Variants in NLRC4 observed in about 807,000 individuals in gnomAD.
The protein encoded by NLRC4 is NLR family CARD domain containing 4.
NLRC4 carries 63 observed loss-of-function variants against 79.9 expected under a neutral mutation model. The observed-to-expected ratio is 0.79, with a 90% CI of 0.64 to 0.97. NLRC4 has a LOEUF of 0.97. Ranked by LOEUF, NLRC4 falls within the 50% of genes least tolerant of loss-of-function variation. The pLI is 0.00. For missense variants in NLRC4, 1,074 were observed against 1,215.2 expected (o/e 0.88, Z 1.73); for synonymous variants, 461 against 456.5 (o/e 1.01, Z -0.12).
At chr2:32,229,709 G>A (rs941620000) in intron 8 of NLRC4, among the ~76,000 whole-genome samples, 3 of 152,182 alleles carry the variant, frequency 2.0e-5, no homozygotes, top group African/African-American at 7.2e-5. Context: ...AAAGAAGACT[G>A]AGAAGTAGCC....
chr2:32,241,543 A>AT (rs986884604), intron 4 of NLRC4, among the ~76,000 whole-genome samples: 26 of 151,372 alleles, frequency 1.7e-4, no homozygotes, highest in African/African-American at 2.7e-4. Context: ...CGCCCGGCTA[A>AT]TTTTTTTTGT....
chr2:32,233,343 A>AT (rs1180601949), intron 8 of NLRC4, among the ~76,000 whole-genome samples: 8 of 54,814 alleles, frequency 1.5e-4, no homozygotes, highest in Non-Finnish European at 2.4e-4. Flanking sequence ...ATATATATAT[A>AT]TATATATTTT....
At chr2:32,245,733 A>AATAT (rs946645620) in intron 4 of NLRC4, among the ~76,000 whole-genome samples, 16 of 152,326 alleles carry the variant, frequency 1.1e-4, no homozygotes, top group African/African-American at 3.8e-4. Context: ...GTACCCCATA[A>AATAT]ATATATATAC....
At chr2:32,263,782 G>A (rs1219432182) in intron 1 of NLRC4, among the ~76,000 whole-genome samples, 2 of 152,102 alleles carry the variant, frequency 1.3e-5, no homozygotes, top group South Asian at 2.1e-4. Flanking sequence ...CCCAGTCTAT[G>A]GTATTTTAAA....
At chr2:32,247,959 A>G (rs926493930) in intron 4 of NLRC4, among the ~76,000 whole-genome samples, 1 of 152,194 alleles carries the variant, frequency 6.6e-6, no homozygotes, top group Non-Finnish European at 1.5e-5. Context: ...TGGGAGCTAA[A>G]TAATGTGTAC....
Position 32,256,847 on chromosome 2 carries a change from G to A in NLRC4, c.-72C>T, listed in dbSNP as rs1230659993. The A allele has an allele frequency of 1.3e-6, 1 of 772,928 alleles. No homozygotes were observed. The highest frequency in any genetic ancestry group is 2.4e-6 in the Non-Finnish European group (1 of 414,394). 47.9% of individuals were successfully genotyped at this position (772,928 alleles called of 1,614,324 possible). On this transcript the variant is annotated 5_prime_UTR_variant, in exon 2 of 9. Coordinates refer to ENST00000402280, the MANE Select transcript of NLRC4 (RefSeq NM_001199138.2). The stretch of plus-strand genomic sequence containing the variant: ...ATTATTTCCAAATGGAAAGGTCAAA[G>A]GTGATCCCAATATTGTCCTCTTTTT...
At chr2:32,255,975 C>G (rs1449689173) in intron 2 of NLRC4, among the ~76,000 whole-genome samples, 1 of 151,102 alleles carries the variant, frequency 6.6e-6, no homozygotes, top group Non-Finnish European at 1.5e-5. Flanking sequence ...GATCACACCA[C>G]TGCACTCCAG....
chr2:32,242,153 G>A (rs1297465429), intron 4 of NLRC4, among the ~76,000 whole-genome samples: 3 of 152,120 alleles, frequency 2.0e-5, no homozygotes, highest in African/African-American at 4.8e-5. Flanking sequence ...GATTACAGGC[G>A]TGAGCCACCA....
At chr2:32,260,733 G>C (rs906329834) in intron 1 of NLRC4, among the ~76,000 whole-genome samples, 3 of 152,136 alleles carry the variant, frequency 2.0e-5, no homozygotes, top group Admixed American at 6.6e-5. Flanking sequence ...GTGTACAGTA[G>C]GAACAGACAA....
intron 8 of NLRC4, among the ~76,000 whole-genome samples, chr2:32,227,748 A>C (rs1205512330): frequency 6.6e-6 from 1 of 152,214 alleles, no homozygotes; most frequent in African/African-American, 2.4e-5. Flanking sequence ...CCAAGAACAA[A>C]CAACATTTGT....
chr2:32,240,430 A>G (rs1686771710), intron 5 of NLRC4, among the ~76,000 whole-genome samples: 1 of 149,930 alleles, frequency 6.7e-6, no homozygotes, highest in Non-Finnish European at 1.5e-5. Context: ...AATCCAACAC[A>G]CGAGAAAACA....
intron 1 of NLRC4, among the ~76,000 whole-genome samples, chr2:32,258,047 C>CCAA (rs1687249418): frequency 6.6e-6 from 1 of 152,110 alleles, no homozygotes; most frequent in Non-Finnish European, 1.5e-5. Flanking sequence ...TTGGATCACA[C>CCAA]GTGGTCTTGG....
chr2:32,249,411 A>G (rs901679354), intron 4 of NLRC4, among the ~76,000 whole-genome samples, 196 bp downstream of exon 4: 1 of 152,168 alleles, frequency 6.6e-6, no homozygotes, highest in Non-Finnish European at 1.5e-5. Context: ...TTCAACATAA[A>G]GTGTCTACCC....
chr2:32,259,262 A>ATTTTTTTTTTTTTTT (rs57570626), intron 1 of NLRC4, among the ~76,000 whole-genome samples: 5 of 52,874 alleles, frequency 9.5e-5, no homozygotes, highest in Non-Finnish European at 1.4e-4. Flanking sequence ...TGCCTGGCTA[A>ATTTTTTTTTTTTTTT]TTTTTTTTTT....
At chr2:32,258,523 C>G (rs1213582487) in intron 1 of NLRC4, among the ~76,000 whole-genome samples, 1 of 152,126 alleles carries the variant, frequency 6.6e-6, no homozygotes, top group Non-Finnish European at 1.5e-5. Flanking sequence ...CTTCCCTTCC[C>G]CCCTTCCCTA....
chr2:32,234,985 G>A (rs185910159), intron 8 of NLRC4, among the ~76,000 whole-genome samples: 95 of 152,238 alleles, frequency 6.2e-4, no homozygotes, highest in African/African-American at 2.2e-3. Flanking sequence ...ATTTGTTTCT[G>A]GATAATATTA....
chr2:32,239,396 C>T (rs1038055715), intron 5 of NLRC4, among the ~76,000 whole-genome samples: 1 of 152,314 alleles, frequency 6.6e-6, no homozygotes, highest in East Asian at 1.9e-4. Flanking sequence ...GTGCCTGGCA[C>T]ATAGTAAGTG....
At position 32,251,616 on chromosome 2, in the gene NLRC4, G is replaced by T. The variant is rs762666722; in HGVS notation, c.263-15C>A. 4.3e-5 allele frequency: 66 copies of T among 1,551,438 alleles called. No homozygotes were observed. Among genetic ancestry groups the T allele is most frequent in the Non-Finnish European group, 5.5e-5 (63 of 1,147,166 alleles). On this transcript the variant is annotated splice_polypyrimidine_tract_variant and intron_variant, in intron 3 of 8. Coordinates refer to ENST00000402280, the MANE Select transcript of NLRC4 (RefSeq NM_001199138.2). ...ATGAAAAAGACCTATTAGAGAAGAG[G>T]TGATGTTAAAGAAGACCCAATTCTG...
chr2:32,246,177 C>T (rs1573487688), intron 4 of NLRC4, among the ~76,000 whole-genome samples: 1 of 152,128 alleles, frequency 6.6e-6, no homozygotes, highest in East Asian at 1.9e-4. Flanking sequence ...GAGTGAGACC[C>T]TGTCTCAAAA....
Sources: allele counts gnomAD v4.1 joint callset (sites outside exome capture counted in the v4.1 genomes callset), GRCh38; gene constraint gnomAD v4.1.1; transcripts MANE v1.5; gene names NCBI Gene and HGNC (gene_info 2026-07-23, HGNC 2026-07-21).